Variants in RNF34 observed in about 807,000 individuals in gnomAD.
RNF34 encodes the protein ring finger protein 34, also known as E3 ubiquitin-protein ligase RNF34.
In RNF34, 12 loss-of-function variants were observed where a neutral mutation model predicts 37.9. That is an observed-to-expected ratio of 0.32 (90% CI 0.20 to 0.51). The LOEUF is 0.51. RNF34 is among the 20% of genes least tolerant of loss of function. RNF34 has a pLI of 0.97. For missense variants in RNF34, 362 were observed against 472.7 expected (o/e 0.77, Z 2.17); for synonymous variants, 155 against 177.2 (o/e 0.87, Z 1.00).
intron 1 of RNF34, among the ~76,000 whole-genome samples, chr12:121,414,162 C>G (rs559727039): frequency 1.3e-5 from 2 of 152,118 alleles, no homozygotes; most frequent in Non-Finnish European, 2.9e-5. Flanking sequence ...ATTTTACATG[C>G]TATTATAAAA....
chr12:121,402,495 C>T (rs1303803048), intron 1 of RNF34, among the ~76,000 whole-genome samples: 1 of 151,816 alleles, frequency 6.6e-6, no homozygotes, highest in East Asian at 1.9e-4. Flanking sequence ...TAGGTCTTAC[C>T]TCTCAGACTC....
intron 2 of RNF34, 84 bp downstream of exon 2, chr12:121,416,461 C>T: frequency 1.1e-6 from 1 of 940,302 alleles, no homozygotes; most frequent in East Asian, 2.4e-5. Flanking sequence ...ATTGAATTTT[C>T]ATTTCTGTTT....
Position 121,423,182 on chromosome 12 carries a change from C to T in RNF34, c.929-204C>T, listed in dbSNP as rs1186341634. Among the ~76,000 whole-genome samples, 1 of 152,094 alleles carries T rather than the reference C, an allele frequency of 6.6e-6. No individual in the cohort carries two copies. Among genetic ancestry groups the T allele is most frequent in the Non-Finnish European group, 1.5e-5 (1 of 68,006 alleles). On this transcript the variant is annotated intron_variant, in intron 5 of 5. Coordinates refer to ENST00000361234, the MANE Select transcript of RNF34 (RefSeq NM_025126.4). This position sits in a 1 kb window ranked among gnomAD's most constrained non-coding sequence, Gnocchi z 4.3. ...TCAAGCATTTTATTCTTTACAAAACCCTGAGGTATAGCTTTTATCATTGCC... is the reference window on the plus strand; with the variant it reads ...TCAAGCATTTTATTCTTTACAAAACTCTGAGGTATAGCTTTTATCATTGCC...
In RNF34 at chr12:121,423,131, T is replaced by C. The variant is rs932935721; in HGVS notation, c.929-255T>C. Among the ~76,000 whole-genome samples the C allele has an allele frequency of 6.6e-6, 1 of 152,246 alleles. No homozygotes were observed. Among genetic ancestry groups the C allele is most frequent in the Non-Finnish European group, 1.5e-5 (1 of 68,050 alleles). The stretch of plus-strand genomic sequence containing the variant: ...ATTAGACAAAGATATAAAATAGAAA[T>C]ACATAGCTAACATTTGTTGGGTACG... On this transcript the variant is annotated intron_variant, in intron 5 of 5. Transcript: ENST00000361234. This position sits in a 1 kb window ranked among gnomAD's most constrained non-coding sequence, Gnocchi z 4.3.
chr12:121,423,098 T>G lies in RNF34; in HGVS notation c.929-288T>G, dbSNP rs1229421286. Among the ~76,000 whole-genome samples, 3 of 152,264 alleles carry G rather than the reference T, an allele frequency of 2.0e-5. No individual in the cohort carries two copies. Among genetic ancestry groups the G allele is most frequent in the African/African-American group, 7.2e-5 (3 of 41,470 alleles). On this transcript the variant is annotated intron_variant, in intron 5 of 5. Coordinates refer to ENST00000361234, the MANE Select transcript of RNF34 (RefSeq NM_025126.4). The surrounding 1 kb of genome is among the most constrained non-coding windows in gnomAD (Gnocchi z 4.3). ...AGAAGTAATATATCCCTATCACAGA[T>G]GTCTTGAATTAGACAAAGATATAAA...
At chr12:121,419,846 C>CTT in intron 3 of RNF34, 2 of 165,694 alleles carry the variant, frequency 1.2e-5, no homozygotes, top group Non-Finnish European at 2.7e-5. Context: ...CTTGGGCTGA[C>CTT]CCATCAGAGC....
intron 1 of RNF34, among the ~76,000 whole-genome samples, chr12:121,415,030 A>G (rs1444118132): frequency 1.3e-5 from 2 of 152,140 alleles, no homozygotes; most frequent in Non-Finnish European, 2.9e-5. Flanking sequence ...CGGGAGGCGG[A>G]CGTTGCAGTG....
intron 5 of RNF34, 105 bp downstream of exon 5, chr12:121,420,883 T>A: frequency 1.2e-6 from 1 of 834,180 alleles, no homozygotes; most frequent in Admixed American, 2.3e-5. Context: ...GAGAAAGCTG[T>A]GTACCATTTT....
Position 121,416,394 on chromosome 12 carries a change from G to C in RNF34, c.225+17G>C. The stretch of plus-strand genomic sequence containing the variant: ...AGAAAGAAGGTGAGTTGGATGAAAT[G>C]TTACATAACAACACACATGGGTCAG... On this transcript the variant is annotated intron_variant, in intron 2 of 5. Coordinates refer to ENST00000361234, the MANE Select transcript of RNF34 (RefSeq NM_025126.4). 4 of 1,520,588 alleles carry C rather than the reference G, an allele frequency of 2.6e-6. No homozygotes were observed. The highest frequency in any genetic ancestry group is 3.7e-6 in the Non-Finnish European group (4 of 1,094,800). The allele number at this position is 1,520,588 out of a possible 1,614,324, so 94.2% of individuals were successfully genotyped here. A position where few individuals can be genotyped will look rare whatever the true frequency, so the allele number is the denominator to read the frequency against.
At position 121,423,522 on chromosome 12, in the gene RNF34, G is replaced by A; in HGVS notation, c.1065G>A (p.Glu355=). 6.2e-7 allele frequency: 1 copy of A among 1,614,228 alleles called. No individual in the cohort carries two copies. Among genetic ancestry groups the A allele is most frequent in the South Asian group, 1.1e-5 (1 of 91,078 alleles). The change falls in exon 6 of 6, where the codon GAG becomes GAA. Residue 355 remains glutamate, a synonymous_variant. Coordinates refer to ENST00000361234, the MANE Select transcript of RNF34 (RefSeq NM_025126.4). This position sits in a 1 kb window ranked among gnomAD's most constrained non-coding sequence, Gnocchi z 4.3. ...CCAAGTGCGGCAAGCGCATGAGTGA[G>A]TGTCCCATCTGCCGGCAGTATGTGG... ...TCTKCGKRMS[E]CPICRQYVVR...
intron 1 of RNF34, among the ~76,000 whole-genome samples, chr12:121,409,233 G>C (rs1478666783): frequency 2.6e-5 from 4 of 152,154 alleles, no homozygotes; most frequent in African/African-American, 4.8e-5. Flanking sequence ...GCTGGCCTCG[G>C]CCTCCCAAAC....
chr12:121,410,761 A>C (rs1350454437), intron 1 of RNF34, among the ~76,000 whole-genome samples: 2 of 152,160 alleles, frequency 1.3e-5, no homozygotes, highest in African/African-American at 4.8e-5. Flanking sequence ...GATTTTGCCC[A>C]AATTTAAGTT....
intron 1 of RNF34, among the ~76,000 whole-genome samples, chr12:121,408,501 G>C (rs1316554128): frequency 6.6e-6 from 1 of 152,060 alleles, no homozygotes; most frequent in African/African-American, 2.4e-5. Flanking sequence ...AGATTTAAGA[G>C]GGGAAAGATC....
intron 3 of RNF34, among the ~76,000 whole-genome samples, chr12:121,418,942 G>C (rs1184973130): frequency 6.6e-6 from 1 of 152,140 alleles, no homozygotes; most frequent in African/African-American, 2.4e-5. Context: ...CCTGACCTCA[G>C]GTTATCTACC....
chr12:121,423,562 G>A lies in RNF34; in HGVS notation c.1105G>A (p.Val369Met), dbSNP rs370330071. The A allele has an allele frequency of 2.0e-5, 32 of 1,613,304 alleles. No homozygotes were observed. Among genetic ancestry groups the A allele is most frequent in the Non-Finnish European group, 1.6e-5 (19 of 1,179,510 alleles). Residue 369 changes from valine to methionine, a missense_variant, in exon 6 of 6, where the codon GTG becomes ATG. Val to Met is a conservative substitution (Grantham distance 21, BLOSUM62 1). Transcript: ENST00000361234. The surrounding 1 kb of genome is among the most constrained non-coding windows in gnomAD (Gnocchi z 4.3). ...GCAGTATGTGGTGCGAGCCGTGCACGTGTTCAAGTCCTGAAACAGGCTCCC... is the reference window on the plus strand; with the variant it reads ...GCAGTATGTGGTGCGAGCCGTGCACATGTTCAAGTCCTGAAACAGGCTCCC... ...CRQYVVRAVH[V>M]FKS
At position 121,413,048 on chromosome 12, in the gene RNF34, C is replaced by T. The variant is rs571126155; in HGVS notation, c.7-3111C>T. 3.4e-5 allele frequency among the ~76,000 whole-genome samples: 5 copies of T among 147,766 alleles called. No individual in the cohort carries two copies. The South Asian group carries it at 1.1e-3, about 32-fold the overall frequency. ...TTTTTTTTCCTTCCTCTTTTCGAGG[C>T]AGAGTCTCACTCTGTCACCCAAGCT... On this transcript the variant is annotated intron_variant, in intron 1 of 5. Coordinates refer to ENST00000361234, the MANE Select transcript of RNF34 (RefSeq NM_025126.4).
At chr12:121,407,295 GT>G (rs1444403207) in intron 1 of RNF34, among the ~76,000 whole-genome samples, 1 of 152,110 alleles carries the variant, frequency 6.6e-6, no homozygotes, top group African/African-American at 2.4e-5. Flanking sequence ...TAACTGTAGG[GT>G]TTTTTTCCCC....
At chr12:121,414,389 T>G (rs1260379841) in intron 1 of RNF34, among the ~76,000 whole-genome samples, 1 of 152,174 alleles carries the variant, frequency 6.6e-6, no homozygotes, top group Non-Finnish European at 1.5e-5. Flanking sequence ...CGCTGAAAAT[T>G]TATTCTTTTA....
In RNF34 at chr12:121,420,659, G is replaced by A. The variant is rs868986452; in HGVS notation, c.809G>A (p.Arg270His). 15 of 1,614,018 alleles carry A rather than the reference G, an allele frequency of 9.3e-6. No individual in the cohort carries two copies. The African/African-American group carries it at 1.1e-4, about 11-fold the overall frequency. The change falls in exon 5 of 6, where the codon CGC becomes CAC. Residue 270 changes from arginine (R) to histidine (H), a missense_variant. Coordinates refer to ENST00000361234, the MANE Select transcript of RNF34 (RefSeq NM_025126.4). ...GATGATGTGGAAGGAATGAGCGTGC[G>A]CCAGCTGAAGGAAATTCTGGCTCGG... ...SLDDVEGMSV[R>H]QLKEILARNF...
Sources: gnomAD v4.1 joint callset for allele counts (sites outside exome capture counted in the v4.1 genomes callset) on GRCh38, gnomAD v4.1.1 for gene constraint, Gnocchi (gnomAD v3.1) non-coding constraint, MANE v1.5 for transcripts, NCBI Gene and HGNC (gene_info 2026-07-23, HGNC 2026-07-21) for gene names.